Variants in LSM1 observed in about 807,000 individuals in gnomAD.
LSM1 encodes U6 snRNA-associated Sm-like protein LSm1.
Under a neutral mutation model 18.0 loss-of-function variants are expected in LSM1, and 13 were observed. The ratio of observed to expected loss-of-function variants is 0.72; its 90% CI spans 0.47 to 1.15. The LOEUF (loss-of-function observed/expected upper bound fraction) is 1.15, where lower values mean the gene tolerates loss of function less well. Ranked by LOEUF, LSM1 falls within the 50% of genes most tolerant of loss-of-function variation. LSM1 has a pLI of 0.00. For missense variants in LSM1, 152 were observed against 157.7 expected (o/e 0.96, Z 0.19); for synonymous variants, 46 against 56.0 (o/e 0.82, Z 0.80).
intron 1 of LSM1, among the ~76,000 whole-genome samples, chr8:38,173,864 A>G (rs1299302804): frequency 6.6e-6 from 1 of 152,254 alleles, no homozygotes; most frequent in East Asian, 1.9e-4. Flanking sequence ...CAGGAGATCT[A>G]CTAAAGATTT....
chr8:38,172,825 CTAA>C (rs752956685), intron 1 of LSM1, among the ~76,000 whole-genome samples: 1 of 152,120 alleles, frequency 6.6e-6, no homozygotes, highest in African/African-American at 2.4e-5. Flanking sequence ...AAAATGAAGA[CTAA>C]TAATAAGCTA....
At chr8:38,168,317 G>A (rs1412496339) in intron 3 of LSM1, among the ~76,000 whole-genome samples, 12 of 151,176 alleles carry the variant, frequency 7.9e-5, no homozygotes, top group East Asian at 2.0e-4. Flanking sequence ...TTGGCTGGGC[G>A]CGGTGGCTCA....
intron 2 of LSM1, among the ~76,000 whole-genome samples, chr8:38,171,170 T>C (rs1393010818): frequency 3.3e-5 from 5 of 152,232 alleles, no homozygotes; most frequent in Non-Finnish European, 1.5e-5. Context: ...CCAATTTTCA[T>C]TGGCTAGGGA....
intron 3 of LSM1, among the ~76,000 whole-genome samples, chr8:38,168,338 C>T (rs1802972319): frequency 6.6e-6 from 1 of 151,302 alleles, no homozygotes; most frequent in Non-Finnish European, 1.5e-5. Flanking sequence ...TGCCTGTAAT[C>T]CCAGCACACT....
At chr8:38,169,757 A>G in intron 3 of LSM1, 45 bp downstream of exon 3, 1 of 1,122,318 alleles carries the variant, frequency 8.9e-7, no homozygotes, top group Non-Finnish European at 1.3e-6. Flanking sequence ...AAGTCTAACT[A>G]GCATGAATAT....
intron 3 of LSM1, among the ~76,000 whole-genome samples, chr8:38,168,338 C>G (rs1802972319): frequency 1.3e-5 from 2 of 151,302 alleles, no homozygotes; most frequent in African/African-American, 2.4e-5. Context: ...TGCCTGTAAT[C>G]CCAGCACACT....
chr8:38,170,827 C>G (rs932622091), intron 2 of LSM1: 5 of 228,152 alleles, frequency 2.2e-5, no homozygotes, highest in Non-Finnish European at 1.9e-5. Flanking sequence ...AATCAGGACT[C>G]CAATTTGTTA....
upstream of LSM1, chr8:38,176,568 T>G: frequency 1.7e-6 from 1 of 576,262 alleles, no homozygotes; most frequent in Non-Finnish European, 3.1e-6. Flanking sequence ...GGGGACACCC[T>G]TTCCCTGTTC....
intron 3 of LSM1, among the ~76,000 whole-genome samples, chr8:38,164,949 A>G (rs1415640429): frequency 6.6e-6 from 1 of 152,218 alleles, no homozygotes; most frequent in Non-Finnish European, 1.5e-5. Flanking sequence ...AACTGTAACA[A>G]GACTCTTTTT....
intron 1 of LSM1, among the ~76,000 whole-genome samples, chr8:38,172,834 A>G (rs1798937699): frequency 1.3e-5 from 2 of 152,238 alleles, no homozygotes; most frequent in South Asian, 4.1e-4. Flanking sequence ...ACTAATAATA[A>G]GCTAGAGCAG....
upstream of LSM1, chr8:38,176,699 C>T: frequency 1.2e-6 from 1 of 840,922 alleles, no homozygotes; most frequent in Non-Finnish European, 1.7e-6. Context: ...TCACTGACCT[C>T]CGTCCCTCAG....
chr8:38,169,242 C>T (rs1802986340), intron 3 of LSM1, among the ~76,000 whole-genome samples: 1 of 152,140 alleles, frequency 6.6e-6, no homozygotes, highest in South Asian at 2.1e-4. Context: ...CCTACAGCAA[C>T]AATACCTCAG....
In LSM1 at chr8:38,173,849, A is replaced by C. The variant is rs1803070741; in HGVS notation, c.47-1816T>G. On this transcript the variant is annotated intron_variant, in intron 1 of 3. Coordinates refer to ENST00000311351, the MANE Select transcript of LSM1 (RefSeq NM_014462.3). Reference sequence around the variant, plus strand: ...TACAAAGAGGTGATATAAAAAACTAAAGTACAGGAGATCTACTAAAGATTT... The same window carrying C: ...TACAAAGAGGTGATATAAAAAACTACAGTACAGGAGATCTACTAAAGATTT... Among the ~76,000 whole-genome samples the C allele has an allele frequency of 2.0e-5, 3 of 152,362 alleles. No individual in the cohort carries two copies. In the South Asian group the frequency reaches 6.2e-4, roughly 32 times the overall value.
chr8:38,164,838 A>G (rs1461440804), intron 3 of LSM1, among the ~76,000 whole-genome samples: 1 of 152,178 alleles, frequency 6.6e-6, no homozygotes, highest in Non-Finnish European at 1.5e-5. Flanking sequence ...TCTCAAAAAA[A>G]GTAAAAAGAC....
chr8:38,175,581 C>A (rs1458397965), intron 1 of LSM1, among the ~76,000 whole-genome samples: 2 of 151,834 alleles, frequency 1.3e-5, no homozygotes, highest in Non-Finnish European at 2.9e-5. Flanking sequence ...CGGTTCTTTT[C>A]GCTTTTGTAT....
chr8:38,165,702 G>GA (rs74598021), intron 3 of LSM1, among the ~76,000 whole-genome samples: 2,446 of 127,124 alleles, frequency 0.019, 56 homozygotes, highest in African/African-American at 0.064. Flanking sequence ...GTCTCAAAAG[G>GA]AAAAAAAAAA....
rs1360405466 is a variant in LSM1 at position 38,176,433 on chromosome 8, G to A, written c.-113C>T. 2 of 823,730 alleles carry A rather than the reference G, an allele frequency of 2.4e-6. No homozygotes were observed. The highest frequency in any genetic ancestry group is 3.9e-6 in the Non-Finnish European group (2 of 508,300). 51.0% of individuals were successfully genotyped at this position (823,730 alleles called of 1,614,324 possible). The stretch of plus-strand genomic sequence containing the variant: ...TGGGACCAAGCCCGGAATCCCGACC[G>A]AGACCAGCACTTCTGCCCCGGCTTT... On this transcript the variant is annotated 5_prime_UTR_variant, in exon 1 of 4. Transcript: ENST00000311351.
At chr8:38,164,564 G>A (rs932688779) in intron 3 of LSM1, among the ~76,000 whole-genome samples, 1 of 150,618 alleles carries the variant, frequency 6.6e-6, no homozygotes, top group Non-Finnish European at 1.5e-5. Context: ...GCTCACAGTC[G>A]TAATCCCAGC....
chr8:38,163,350 A>C lies in LSM1; in HGVS notation c.*320T>G. The stretch of plus-strand genomic sequence containing the variant: ...AAATAACATGACACTTTTGAGATTC[A>C]TATTTTATTTACAAGTAAATGAAGA... On this transcript the variant is annotated 3_prime_UTR_variant, in exon 4 of 4. Transcript: ENST00000311351. 1 of 212,240 alleles carries C rather than the reference A, an allele frequency of 4.7e-6. No individual in the cohort carries two copies. The highest frequency in any genetic ancestry group is 1.1e-4 in the South Asian group (1 of 8,892). The allele number at this position is 212,240 out of a possible 1,614,324, so 13.1% of individuals were successfully genotyped here.
Sources: allele counts gnomAD v4.1 joint callset (sites outside exome capture counted in the v4.1 genomes callset), GRCh38; gene constraint gnomAD v4.1.1; transcripts MANE v1.5; gene names NCBI Gene and HGNC (gene_info 2026-07-23, HGNC 2026-07-21).